Variants in GPAT3 observed in about 807,000 individuals in gnomAD.
The protein encoded by GPAT3 is 1-AGP acyltransferase 9.
Under a neutral mutation model 58.8 loss-of-function variants are expected in GPAT3, and 53 were observed. The observed-to-expected ratio is 0.90, with a 90% CI of 0.72 to 1.13. The LOEUF (loss-of-function observed/expected upper bound fraction) is 1.13. GPAT3 is among the 50% of genes most tolerant of loss of function. The pLI is 0.00. For missense variants in GPAT3, 511 were observed against 527.6 expected (o/e 0.97, Z 0.31); for synonymous variants, 197 against 187.4 (o/e 1.05, Z -0.42).
chr4:83,593,217 T>A (rs1578197305), intron 6 of GPAT3, among the ~76,000 whole-genome samples: 1 of 142,264 alleles, frequency 7.0e-6, no homozygotes, highest in African/African-American at 2.6e-5. Context: ...CAGGCTGGAG[T>A]GCAGTGGTAT....
chr4:83,547,539 A>G (rs1472511928), intron 2 of GPAT3, among the ~76,000 whole-genome samples: 2 of 151,988 alleles, frequency 1.3e-5, no homozygotes, highest in Non-Finnish European at 2.9e-5. Context: ...GGCGTGAGCT[A>G]CTGCGCCTGG....
At chr4:83,543,989 C>G (rs1724408441) in intron 1 of GPAT3, among the ~76,000 whole-genome samples, 1 of 152,150 alleles carries the variant, frequency 6.6e-6, no homozygotes, top group Non-Finnish European at 1.5e-5. Flanking sequence ...TGTGCTGCCT[C>G]TTTCTGCAAG....
intron 2 of GPAT3, among the ~76,000 whole-genome samples, chr4:83,579,866 A>G (rs192688377): frequency 1.2e-4 from 19 of 152,286 alleles, no homozygotes; most frequent in Admixed American, 1.2e-3. Context: ...TCTTTCTACT[A>G]ATACACGTAT....
At chr4:83,561,684 C>T (rs1223134027) in intron 2 of GPAT3, among the ~76,000 whole-genome samples, 4 of 151,898 alleles carry the variant, frequency 2.6e-5, no homozygotes, top group African/African-American at 9.7e-5. Flanking sequence ...AAGTATAAGC[C>T]CAACTGTGCT....
intron 2 of GPAT3, among the ~76,000 whole-genome samples, chr4:83,562,190 T>TA (rs1214248486): frequency 2.3e-5 from 2 of 87,382 alleles, no homozygotes; most frequent in African/African-American, 8.3e-5. Flanking sequence ...TATATATATA[T>TA]ATATATATAA....
chr4:83,538,131 T>C (rs1222051672), intron 1 of GPAT3, among the ~76,000 whole-genome samples: 2 of 152,200 alleles, frequency 1.3e-5, no homozygotes, highest in African/African-American at 4.8e-5. Flanking sequence ...CCTTAGGACG[T>C]GGCTTTATCT....
intron 7 of GPAT3, 70 bp from the exon 8 acceptor site, chr4:83,596,788 A>C: frequency 1.7e-6 from 2 of 1,183,918 alleles, no homozygotes; most frequent in Non-Finnish European, 2.5e-6. Flanking sequence ...GTAAAGTGCA[A>C]GGAATATCAA....
intron 2 of GPAT3, among the ~76,000 whole-genome samples, chr4:83,577,933 G>A (rs1042598684): frequency 4.0e-5 from 6 of 151,798 alleles, no homozygotes; most frequent in Non-Finnish European, 5.9e-5. Context: ...CCCAGTAGCC[G>A]GGATTACAGG....
chr4:83,570,177 G>T (rs1421977106), intron 2 of GPAT3, among the ~76,000 whole-genome samples: 1 of 152,186 alleles, frequency 6.6e-6, no homozygotes, highest in African/African-American at 2.4e-5. Flanking sequence ...TCACCGACTT[G>T]GTTGCAAATC....
chr4:83,542,770 G>A (rs1248132972), intron 1 of GPAT3, among the ~76,000 whole-genome samples: 4 of 151,692 alleles, frequency 2.6e-5, no homozygotes, highest in Non-Finnish European at 4.4e-5. Flanking sequence ...GGCCGAGGCA[G>A]ATGGCTCACC....
intron 1 of GPAT3, among the ~76,000 whole-genome samples, chr4:83,541,762 G>A (rs1278494989): frequency 6.6e-6 from 1 of 152,186 alleles, no homozygotes; most frequent in Admixed American, 6.5e-5. Context: ...CTCAGTTCTT[G>A]TAGCTAGAGG....
At chr4:83,578,935 T>C (rs1344025752) in intron 2 of GPAT3, among the ~76,000 whole-genome samples, 1 of 1,952 alleles carries the variant, frequency 5.1e-4, no homozygotes, top group African/African-American at 2.9e-3. Flanking sequence ...CTTTCTTTCT[T>C]TCTTTTCTTT....
At chr4:83,551,830 A>ATCTATCTATCTATCTG in intron 2 of GPAT3, among the ~76,000 whole-genome samples, 1 of 149,218 alleles carries the variant, frequency 6.7e-6, no homozygotes, top group Non-Finnish European at 1.5e-5. Context: ...CTATCTATCT[A>ATCTATCTATCTATCTG]TCTATCTATC....
chr4:83,604,586 C>T, intron 11 of GPAT3, 82 bp from the exon 12 acceptor site: 1 of 1,080,972 alleles, frequency 9.3e-7, no homozygotes, highest in Non-Finnish European at 1.3e-6. Context: ...GTCATGGTAT[C>T]ATGCAGCATG....
At chr4:83,541,246 T>G (rs534809940) in intron 1 of GPAT3, among the ~76,000 whole-genome samples, 1 of 152,154 alleles carries the variant, frequency 6.6e-6, no homozygotes, top group South Asian at 2.1e-4. Flanking sequence ...ATCTTTTTTT[T>G]TTTTGAGGCA....
chr4:83,583,994 CA>C (rs1726269514), intron 3 of GPAT3, among the ~76,000 whole-genome samples: 1 of 151,974 alleles, frequency 6.6e-6, no homozygotes, highest in Non-Finnish European at 1.5e-5. Flanking sequence ...ACAACAACAA[CA>C]ACAAAAACAC....
chr4:83,576,651 C>T (rs1725831974), intron 2 of GPAT3, among the ~76,000 whole-genome samples: 2 of 152,002 alleles, frequency 1.3e-5, no homozygotes, highest in Non-Finnish European at 2.9e-5. Flanking sequence ...CGCATGTTGG[C>T]CAGGCTGGTC....
chr4:83,563,683 G>T (rs558057251), intron 2 of GPAT3, among the ~76,000 whole-genome samples: 5 of 151,964 alleles, frequency 3.3e-5, no homozygotes, highest in African/African-American at 1.2e-4. Flanking sequence ...GTTTTGCTAT[G>T]TTGGCCAGGC....
At chr4:83,575,944 C>CT (rs1175330895) in intron 2 of GPAT3, among the ~76,000 whole-genome samples, 1 of 152,222 alleles carries the variant, frequency 6.6e-6, no homozygotes, top group African/African-American at 2.4e-5. Context: ...TTCCTGATCC[C>CT]TTACCCTGCT....
Sources: allele counts gnomAD v4.1 joint callset (sites outside exome capture counted in the v4.1 genomes callset), GRCh38; gene constraint gnomAD v4.1.1; transcripts MANE v1.5; gene names NCBI Gene and HGNC (gene_info 2026-07-23, HGNC 2026-07-21).